SHISAL1: variants seen among roughly 807,000 people sequenced by gnomAD.
SHISAL1 encodes the protein protein shisa-like-1.
Under a neutral mutation model 22.6 loss-of-function variants are expected in SHISAL1, and 9 were observed. That is an observed-to-expected ratio of 0.40 (90% CI 0.24 to 0.70). The LOEUF is 0.70. Among genes scored for constraint, SHISAL1 ranks in the 30% least tolerant of loss-of-function variants. SHISAL1 has a pLI of 0.39. For missense variants in SHISAL1, 246 were observed against 270.6 expected (o/e 0.91, Z 0.64); for synonymous variants, 119 against 115.4 (o/e 1.03, Z -0.20).
Position 44,296,800 on chromosome 22 carries a change from C to G in SHISAL1, c.153G>C (p.Ser51=). 1.2e-6 allele frequency: 2 copies of G among 1,613,944 alleles called. No homozygotes were observed. The highest frequency in any genetic ancestry group is 1.7e-6 in the Non-Finnish European group (2 of 1,180,028). The change falls in exon 3 of 5, where the codon TCG becomes TCC. Residue 51 remains serine (S), a synonymous_variant. Transcript: ENST00000381176. ...AACAGAGGATGAAGGTCTTGTTGTC[C>G]GAGAGCCGGGGGCAGTGGAAGCCAA... The part of the protein sequence containing the change: ...YHFGFHCPRL[S]DNKTFILCCH...
intron 1 of SHISAL1, among the ~76,000 whole-genome samples, chr22:44,304,368 TC>T (rs1385552454): frequency 6.6e-6 from 1 of 152,176 alleles, no homozygotes; most frequent in Non-Finnish European, 1.5e-5. Flanking sequence ...CTTGGTCTCC[TC>T]CCCTGTAGCA....
chr22:44,323,424 T>A, the SHISAL1 span, among the ~76,000 whole-genome samples: 2 of 136,320 alleles, frequency 1.5e-5, no homozygotes, highest in South Asian at 5.1e-4. Context: ...CATTCATCCA[T>A]CCATGCATCC....
chr22:44,322,623 T>G, the SHISAL1 span, among the ~76,000 whole-genome samples: 2 of 152,178 alleles, frequency 1.3e-5, no homozygotes, highest in Non-Finnish European at 2.9e-5. Context: ...AAACAGAGGT[T>G]CAGAGTGGCA....
intron 4 of SHISAL1, among the ~76,000 whole-genome samples, chr22:44,270,220 C>A (rs2055197126): frequency 1.3e-5 from 2 of 152,190 alleles, no homozygotes; most frequent in South Asian, 4.1e-4. Flanking sequence ...CTCGACAACC[C>A]TGCAGACTTG....
chr22:44,279,953 T>C (rs1303289388), intron 4 of SHISAL1, among the ~76,000 whole-genome samples: 4 of 152,182 alleles, frequency 2.6e-5, no homozygotes, highest in Non-Finnish European at 2.9e-5. Flanking sequence ...ATCTGAGATG[T>C]ACACATGATC....
Position 44,310,271 on chromosome 22 carries a change from T to C in SHISAL1, c.-33+2480A>G, listed in dbSNP as rs112851580. Among the ~76,000 whole-genome samples, 1,960 of 152,360 alleles carry C rather than the reference T, an allele frequency of 0.013. 39 individuals are homozygous for C. The highest frequency in any genetic ancestry group is 0.045 in the African/African-American group (1,891 of 41,578). ...TAGGCACTTTATAAACATGTGTTAA[T>C]TGGTTGAATGAACATAAGCAATGAT... On this transcript the variant is annotated intron_variant, in intron 1 of 4. Transcript: ENST00000381176. This position sits in a 1 kb window ranked among gnomAD's most constrained non-coding sequence, Gnocchi z 4.0.
chr22:44,306,561 A>G (rs113992023), intron 1 of SHISAL1, among the ~76,000 whole-genome samples: 1 of 15,310 alleles, frequency 6.5e-5, no homozygotes, highest in Admixed American at 1.2e-3. Flanking sequence ...GTGGAGGGGA[A>G]CTGAGCTCGG....
chr22:44,270,864 C>T (rs551619050), intron 4 of SHISAL1, among the ~76,000 whole-genome samples: 4 of 152,294 alleles, frequency 2.6e-5, no homozygotes, highest in East Asian at 3.9e-4. Context: ...TGGGATACAA[C>T]GAGCCCAGAG....
chr22:44,320,714 G>A, the SHISAL1 span, among the ~76,000 whole-genome samples: 10 of 152,274 alleles, frequency 6.6e-5, no homozygotes, highest in East Asian at 1.9e-4. Context: ...CAGGCTGTCC[G>A]GGGCTCGACC....
rs2055511287 is a variant in SHISAL1, at chr22:44,310,567, C to G, written c.-33+2184G>C. The stretch of plus-strand genomic sequence containing the variant: ...CCGTGCCCCACACCTTGCAGGTATA[C>G]CAAACATAGAAAGGACCAGAAGCTA... On this transcript the variant is annotated intron_variant, in intron 1 of 4. Coordinates refer to ENST00000381176, the MANE Select transcript of SHISAL1 (RefSeq NM_001099294.2). The surrounding 1 kb of genome is among the most constrained non-coding windows in gnomAD (Gnocchi z 4.0). Among the ~76,000 whole-genome samples the G allele has an allele frequency of 6.6e-6, 1 of 152,156 alleles. No homozygotes were observed. Among genetic ancestry groups the G allele is most frequent in the Admixed American group, 6.5e-5 (1 of 15,282 alleles).
intron 1 of SHISAL1, 36 bp downstream of exon 1, chr22:44,312,715 G>A (rs1368001377): frequency 6.6e-6 from 1 of 152,306 alleles, no homozygotes; most frequent in African/African-American, 2.4e-5. Context: ...CCCCTGCACA[G>A]TGAGGACCTG....
intron 4 of SHISAL1, among the ~76,000 whole-genome samples, chr22:44,274,949 G>A (rs970390804): frequency 5.2e-4 from 79 of 152,302 alleles, no homozygotes; most frequent in African/African-American, 1.7e-3. Flanking sequence ...TTGTACTGAC[G>A]GGAACACTGA....
chr22:44,260,113 G>A lies in SHISAL1; in HGVS notation c.*-10428C>T, dbSNP rs118183745. Among the ~76,000 whole-genome samples the A allele has an allele frequency of 0.016, 2,433 of 152,192 alleles. 136 individuals are homozygous for A. In the East Asian group the frequency reaches 0.19, roughly 12 times the overall value. On this transcript the variant is annotated intron_variant, in intron 4 of 4. Transcript: ENST00000381176. ...CATACAAGCAAGTCAGGTGGACCCT[G>A]CACCTCCTCACTCCCTCCCCTGCAT...
intron 4 of SHISAL1, among the ~76,000 whole-genome samples, chr22:44,262,644 C>T (rs542597413): frequency 1.3e-5 from 2 of 152,334 alleles, no homozygotes; most frequent in South Asian, 4.1e-4. Flanking sequence ...CTGCTGACCG[C>T]AGGGCCACAC....
chr22:44,295,114 G>A (rs73888979), intron 3 of SHISAL1, among the ~76,000 whole-genome samples: 1 of 152,120 alleles, frequency 6.6e-6, no homozygotes, highest in African/African-American at 2.4e-5. Flanking sequence ...AAAGAGCCAG[G>A]AGGAGCCCAT....
intron 1 of SHISAL1, among the ~76,000 whole-genome samples, chr22:44,308,786 C>G (rs2055497069): frequency 7.0e-6 from 1 of 143,062 alleles, no homozygotes; most frequent in Non-Finnish European, 1.6e-5. Context: ...GTGGCAGAAC[C>G]ATGACCTCTG....
At chr22:44,322,526 G>A in the SHISAL1 span, among the ~76,000 whole-genome samples, 1 of 152,322 alleles carries the variant, frequency 6.6e-6, no homozygotes, top group Admixed American at 6.5e-5. Flanking sequence ...CACCTCCCTT[G>A]ACTTTCAGTT....
At chr22:44,249,968 A>G (rs1040253052) in intron 4 of SHISAL1, among the ~76,000 whole-genome samples, 1 of 152,240 alleles carries the variant, frequency 6.6e-6, no homozygotes, top group African/African-American at 2.4e-5. Context: ...TTAATTGTGG[A>G]TAACTTACAT....
At chr22:44,317,643 C>T (rs1241182268), upstream of SHISAL1, among the ~76,000 whole-genome samples, 1 of 152,176 alleles carries the variant, frequency 6.6e-6, no homozygotes, top group Non-Finnish European at 1.5e-5. Context: ...TGGGCTGTTC[C>T]CATGGGGGCC....
Sources: gnomAD v4.1 joint callset for allele counts (sites outside exome capture counted in the v4.1 genomes callset) on GRCh38, gnomAD v4.1.1 for gene constraint, Gnocchi (gnomAD v3.1) non-coding constraint, MANE v1.5 for transcripts, NCBI Gene and HGNC (gene_info 2026-07-23, HGNC 2026-07-21) for gene names.